PRTFDC1: variants seen among roughly 807,000 people sequenced by gnomAD.
PRTFDC1 encodes phosphoribosyltransferase domain-containing protein 1.
PRTFDC1 carries 38 observed loss-of-function variants against 34.6 expected under a neutral mutation model. The ratio of observed to expected loss-of-function variants is 1.10; its 90% CI spans 0.85 to 1.44. The LOEUF (loss-of-function observed/expected upper bound fraction) is 1.44, where lower values mean the gene tolerates loss of function less well. PRTFDC1 is among the 40% of genes most tolerant of loss of function. The pLI, the probability that PRTFDC1 is intolerant of heterozygous loss-of-function variation, is 0.00. For missense variants in PRTFDC1, 270 were observed against 283.0 expected (o/e 0.95, Z 0.33); for synonymous variants, 93 against 98.1 (o/e 0.95, Z 0.31).
chr10:24,947,577 TTC>T (rs1454683638), intron 1 of PRTFDC1, among the ~76,000 whole-genome samples: 4 of 152,120 alleles, frequency 2.6e-5, no homozygotes, highest in Admixed American at 2.6e-4. Flanking sequence ...GTAATTCTGA[TTC>T]TCTTTTTCGC....
At chr10:24,855,239 A>G in intron 7 of PRTFDC1, 79 bp downstream of exon 7, 1 of 1,439,090 alleles carries the variant, frequency 6.9e-7, no homozygotes, top group Non-Finnish European at 9.6e-7. Flanking sequence ...ATAGGAAACC[A>G]AAGATTCTTA....
At chr10:24,863,236 T>C (rs1403606701) in intron 4 of PRTFDC1, among the ~76,000 whole-genome samples, 1 of 152,180 alleles carries the variant, frequency 6.6e-6, no homozygotes, top group African/African-American at 2.4e-5. Flanking sequence ...AAGTCAATGC[T>C]CACTTACCAT....
intron 1 of PRTFDC1, among the ~76,000 whole-genome samples, chr10:24,943,953 C>G (rs193172697): frequency 9.2e-5 from 14 of 152,234 alleles, no homozygotes; most frequent in Admixed American, 2.6e-4. Flanking sequence ...AATTTTCCAG[C>G]ACAACTCCCT....
At chr10:24,862,903 A>G (rs1203173833) in intron 4 of PRTFDC1, among the ~76,000 whole-genome samples, 1 of 152,014 alleles carries the variant, frequency 6.6e-6, no homozygotes, top group African/African-American at 2.4e-5. Context: ...TTTGAGACAG[A>G]GTCTTGCTCT....
At chr10:24,919,890 C>T (rs1848756423) in intron 3 of PRTFDC1, among the ~76,000 whole-genome samples, 1 of 152,034 alleles carries the variant, frequency 6.6e-6, no homozygotes. Context: ...CATCACAAAT[C>T]ATTAGAGAAA....
chr10:24,871,011 G>T (rs942536885), intron 4 of PRTFDC1, among the ~76,000 whole-genome samples: 10 of 144,822 alleles, frequency 6.9e-5, no homozygotes, highest in African/African-American at 1.0e-4. Flanking sequence ...GGTGGAGGTT[G>T]CAGTGAGCTG....
At chr10:24,905,819 A>C (rs1269055356) in intron 3 of PRTFDC1, among the ~76,000 whole-genome samples, 1 of 152,092 alleles carries the variant, frequency 6.6e-6, no homozygotes. Context: ...TTGATTACTT[A>C]TTTAATAATA....
intron 3 of PRTFDC1, among the ~76,000 whole-genome samples, chr10:24,923,292 C>T (rs376044916): frequency 6.6e-6 from 1 of 152,222 alleles, no homozygotes; most frequent in East Asian, 1.9e-4. Flanking sequence ...CTGAAGAGAG[C>T]AGTGGTTCTC....
At chr10:24,867,064 T>G (rs908153754) in intron 4 of PRTFDC1, among the ~76,000 whole-genome samples, 1 of 151,714 alleles carries the variant, frequency 6.6e-6, no homozygotes, top group Non-Finnish European at 1.5e-5. Context: ...GAGAGGGCTG[T>G]GTAGAGTCTC....
chr10:24,924,509 G>A (rs1037096818), intron 3 of PRTFDC1, among the ~76,000 whole-genome samples: 6 of 152,120 alleles, frequency 3.9e-5, no homozygotes, highest in Non-Finnish European at 8.8e-5. Context: ...CACAGCAAAA[G>A]AAACTATCAT....
intron 3 of PRTFDC1, among the ~76,000 whole-genome samples, chr10:24,889,067 C>T (rs2132536371): frequency 6.6e-6 from 1 of 152,226 alleles, no homozygotes; most frequent in East Asian, 1.9e-4. Flanking sequence ...AATCGAATCA[C>T]CATGATACTA....
At chr10:24,876,808 C>T (rs1161388469) in intron 3 of PRTFDC1, among the ~76,000 whole-genome samples, 3 of 152,068 alleles carry the variant, frequency 2.0e-5, no homozygotes, top group Non-Finnish European at 4.4e-5. Flanking sequence ...CTCAGTCTCC[C>T]AATTTCTTTT....
chr10:24,908,971 C>T (rs868770801), intron 3 of PRTFDC1, among the ~76,000 whole-genome samples: 5 of 152,200 alleles, frequency 3.3e-5, no homozygotes, highest in Non-Finnish European at 2.9e-5. Flanking sequence ...TCTGAGCCTC[C>T]GTTACCTTCT....
intron 1 of PRTFDC1, among the ~76,000 whole-genome samples, chr10:24,949,075 T>C (rs779353797): frequency 7.9e-5 from 12 of 152,162 alleles, no homozygotes; most frequent in Non-Finnish European, 1.6e-4. Flanking sequence ...CAAGAAATGC[T>C]TGCTATTATT....
chr10:24,921,100 A>G (rs1848780364), intron 3 of PRTFDC1, among the ~76,000 whole-genome samples: 1 of 152,190 alleles, frequency 6.6e-6, no homozygotes, highest in East Asian at 1.9e-4. Flanking sequence ...GATTAAAAAA[A>G]AAACAAAAAA....
intron 3 of PRTFDC1, among the ~76,000 whole-genome samples, chr10:24,894,369 A>G (rs371200557): frequency 6.8e-6 from 1 of 147,878 alleles, no homozygotes; most frequent in East Asian, 2.0e-4. Flanking sequence ...AGAAAATAGG[A>G]GGGCACTGCT....
chr10:24,884,821 C>G (rs911281169), intron 3 of PRTFDC1, among the ~76,000 whole-genome samples: 3 of 152,150 alleles, frequency 2.0e-5, no homozygotes, highest in African/African-American at 7.2e-5. Flanking sequence ...AGCAGGACGG[C>G]CTCCCCAGAT....
At chr10:24,933,393 CAAT>C (rs1215643856) in intron 3 of PRTFDC1, among the ~76,000 whole-genome samples, 1 of 151,850 alleles carries the variant, frequency 6.6e-6, no homozygotes, top group Non-Finnish European at 1.5e-5. Flanking sequence ...CTCTCAAATA[CAAT>C]AATAAGAAAA....
intron 4 of PRTFDC1, among the ~76,000 whole-genome samples, chr10:24,870,587 A>T (rs1463140864): frequency 6.6e-6 from 1 of 152,154 alleles, no homozygotes; most frequent in Non-Finnish European, 1.5e-5. Context: ...GGGTCGTTAA[A>T]ACTTATGAAT....
Sources: gnomAD v4.1 joint callset for allele counts (sites outside exome capture counted in the v4.1 genomes callset) on GRCh38, gnomAD v4.1.1 for gene constraint, MANE v1.5 for transcripts, NCBI Gene and HGNC (gene_info 2026-07-23, HGNC 2026-07-21) for gene names.